ASPH: variants seen among roughly 807,000 people sequenced by gnomAD.
The protein encoded by ASPH is aspartyl/asparaginyl beta-hydroxylase.
ASPH carries 100 observed loss-of-function variants against 118.4 expected under a neutral mutation model. The ratio of observed to expected loss-of-function variants is 0.84; its 90% confidence interval spans 0.72 to 1.00. ASPH has a LOEUF of 1.00. Ranked by LOEUF, ASPH falls within the 50% of genes least tolerant of loss-of-function variation. The pLI is 0.00. For missense variants in ASPH, 920 were observed against 919.5 expected, an observed-to-expected ratio of 1.00 and a Z score of -0.01; for synonymous variants, 315 against 325.6, an observed-to-expected ratio of 0.97 and a Z score of 0.35.
chr8:61,616,772 CCCTT>C (rs1849179830), intron 14 of ASPH, among the ~76,000 whole-genome samples: 1 of 152,166 alleles, frequency 6.6e-6, no homozygotes, highest in Non-Finnish European at 1.5e-5. Flanking sequence ...AATTCACCAC[CCCTT>C]CTGCCTACGG....
intron 4 of ASPH, among the ~76,000 whole-genome samples, chr8:61,653,319 T>C (rs893908181): frequency 3.9e-5 from 6 of 152,250 alleles, no homozygotes; most frequent in Admixed American, 3.9e-4. Context: ...ATTCAGTTCA[T>C]GACGTTCCTA....
chr8:61,555,358 G>A (rs887239899), intron 19 of ASPH, among the ~76,000 whole-genome samples: 5 of 151,972 alleles, frequency 3.3e-5, no homozygotes, highest in African/African-American at 1.2e-4. Context: ...GGGTTCTCCT[G>A]GGTTCTCCAG....
At chr8:61,579,645 G>A (rs1475594942) in intron 15 of ASPH, 26 of 1,496,772 alleles carry the variant, frequency 1.7e-5, no homozygotes, top group South Asian at 9.0e-5. Context: ...GCTGGTGTCC[G>A]AGTCCTCTGA....
At chr8:61,536,973 C>G (rs764740727) in intron 21 of ASPH, among the ~76,000 whole-genome samples, 64 of 152,160 alleles carry the variant, frequency 4.2e-4, no homozygotes, top group Non-Finnish European at 5.7e-4. Context: ...ACAGGAGAGT[C>G]TTGGAGAAAT....
intron 21 of ASPH, among the ~76,000 whole-genome samples, chr8:61,532,521 T>A (rs1321501764): frequency 6.6e-6 from 1 of 152,236 alleles, no homozygotes; most frequent in African/African-American, 2.4e-5. Flanking sequence ...GTGCAGAAAC[T>A]TTTTAGTTTG....
At chr8:61,684,791 T>A (rs1829772534) in intron 1 of ASPH, 1 of 152,188 alleles carries the variant, frequency 6.6e-6, no homozygotes, top group Non-Finnish European at 1.5e-5. Context: ...ACCTAAAGTG[T>A]CATTTATCGC....
intron 1 of ASPH, among the ~76,000 whole-genome samples, chr8:61,707,956 T>C (rs949758077): frequency 7.9e-5 from 12 of 152,228 alleles, no homozygotes; most frequent in Non-Finnish European, 1.8e-4. Flanking sequence ...AGATACAGTT[T>C]ACATGTGTGG....
intron 14 of ASPH, among the ~76,000 whole-genome samples, chr8:61,595,894 C>A (rs111675028): frequency 1.3e-5 from 2 of 152,192 alleles, no homozygotes; most frequent in Non-Finnish European, 2.9e-5. Flanking sequence ...GCCCACTCAG[C>A]CTGTCACTGC....
intron 24 of ASPH, 77 bp from the exon 25 acceptor site, chr8:61,503,586 G>C: frequency 7.2e-7 from 1 of 1,394,522 alleles, no homozygotes; most frequent in Non-Finnish European, 9.7e-7. Context: ...CTGTCCATGT[G>C]CGAGAACTAC....
chr8:61,601,324 C>T (rs556024359), intron 14 of ASPH, among the ~76,000 whole-genome samples: 13 of 151,206 alleles, frequency 8.6e-5, no homozygotes, highest in East Asian at 7.7e-4. Flanking sequence ...AGGTGGATCA[C>T]GAGGTCAGGA....
At chr8:61,533,070 T>A (rs1217456265) in intron 21 of ASPH, among the ~76,000 whole-genome samples, 3 of 152,034 alleles carry the variant, frequency 2.0e-5, no homozygotes, top group Non-Finnish European at 4.4e-5. Flanking sequence ...TTCTGAACTA[T>A]CTTCTAATAT....
At chr8:61,668,935 C>G (rs749596920) in intron 3 of ASPH, among the ~76,000 whole-genome samples, 1 of 152,128 alleles carries the variant, frequency 6.6e-6, no homozygotes, top group Non-Finnish European at 1.5e-5. Flanking sequence ...TTATTCCAAC[C>G]AGGCTGTACT....
rs540001416 is a variant in ASPH, at chr8:61,643,205, G to A, written c.757+181C>T. Among the ~76,000 whole-genome samples the A allele has an allele frequency of 1.2e-4, 19 of 152,278 alleles. 1 individual carries two copies. The South Asian group carries it at 2.3e-3, about 18-fold the overall frequency. On this transcript the variant is annotated intron_variant, in intron 9 of 24. Transcript: ENST00000379454. Reference sequence around the variant, plus strand: ...TTATGGAATGGTTAGTTGATGAGGTGAAATATGAAAGCCTGATATTCTTAT... The same window carrying A: ...TTATGGAATGGTTAGTTGATGAGGTAAAATATGAAAGCCTGATATTCTTAT...
At chr8:61,584,529 A>G (rs1838662880) in intron 14 of ASPH, among the ~76,000 whole-genome samples, 1 of 152,176 alleles carries the variant, frequency 6.6e-6, no homozygotes. Flanking sequence ...TGACCACCCC[A>G]GCTATGTTCC....
rs1825081353 is a variant in ASPH, at chr8:61,675,947, G to T, written c.322+5021C>A. ...TAGCTGTACTGGGCAAGATCACATG[G>T]TTGACTTGCACGGTAAGATCACAAC... On this transcript the variant is annotated intron_variant, in intron 3 of 24. Coordinates refer to ENST00000379454, the MANE Select transcript of ASPH (RefSeq NM_004318.4). 9 of 1,507,506 alleles carry T rather than the reference G, an allele frequency of 6.0e-6. No homozygotes were observed. The South Asian group carries it at 1.1e-4, about 18-fold the overall frequency. 93.4% of individuals were successfully genotyped at this position (1,507,506 alleles called of 1,614,324 possible).
At chr8:61,608,825 C>T (rs927406271) in intron 14 of ASPH, among the ~76,000 whole-genome samples, 6 of 152,108 alleles carry the variant, frequency 3.9e-5, no homozygotes, top group East Asian at 1.9e-4. Flanking sequence ...GTGATTCTAC[C>T]GCACTTTCTT....
At chr8:61,618,117 C>T (rs955570161) in intron 14 of ASPH, among the ~76,000 whole-genome samples, 6 of 152,034 alleles carry the variant, frequency 3.9e-5, no homozygotes, top group African/African-American at 1.5e-4. Context: ...GAAAAGTTTT[C>T]ATGAATTAAA....
chr8:61,625,822 T>C (rs867453055), intron 13 of ASPH: 4 of 988,310 alleles, frequency 4.0e-6, no homozygotes, highest in East Asian at 2.2e-4. Flanking sequence ...AAAGTACTCT[T>C]AATAGCTTTT....
At chr8:61,632,583 T>C in intron 13 of ASPH, 1 of 447,164 alleles carries the variant, frequency 2.2e-6, no homozygotes, top group Non-Finnish European at 4.4e-6. Flanking sequence ...GTAGTCATCA[T>C]GTAAAAGGTC....
Sources: gnomAD v4.1 joint callset for allele counts (sites outside exome capture counted in the v4.1 genomes callset) on GRCh38, gnomAD v4.1.1 for gene constraint, MANE v1.5 for transcripts, NCBI Gene and HGNC (gene_info 2026-07-23, HGNC 2026-07-21) for gene names.